The following THNSL1 variants were observed in gnomAD, a reference collection of about 807,000 sequenced individuals.
THNSL1 encodes threonine synthase-like 1.
In THNSL1, 48 loss-of-function variants were observed where a neutral mutation model predicts 50.4. The ratio of observed to expected loss-of-function variants is 0.95; its 90% CI spans 0.76 to 1.21. The LOEUF (loss-of-function observed/expected upper bound fraction) is 1.21. Among genes scored for constraint, THNSL1 ranks in the 50% most tolerant of loss-of-function variants. The pLI is 0.00. For missense variants in THNSL1, 896 were observed against 871.7 expected, an observed-to-expected ratio of 1.03 and a Z score of -0.35; for synonymous variants, 309 against 306.1, an observed-to-expected ratio of 1.01 and a Z score of -0.10.
the THNSL1 span, among the ~76,000 whole-genome samples, chr10:24,958,677 C>T: frequency 6.6e-6 from 1 of 152,190 alleles, no homozygotes; most frequent in Non-Finnish European, 1.5e-5. Flanking sequence ...CAAGGCTACA[C>T]TCAATTGTGT....
At chr10:25,018,828 A>G (rs578044254) in intron 1 of THNSL1, among the ~76,000 whole-genome samples, 1 of 152,344 alleles carries the variant, frequency 6.6e-6, no homozygotes, top group Non-Finnish European at 1.5e-5. Flanking sequence ...TTTCAATTAA[A>G]TATTCGAGAT....
the THNSL1 span, among the ~76,000 whole-genome samples, chr10:24,998,079 C>A: frequency 6.6e-6 from 1 of 152,050 alleles, no homozygotes; most frequent in Admixed American, 6.6e-5. Context: ...TGCCATCTTG[C>A]CTGATAGTGC....
the THNSL1 span, among the ~76,000 whole-genome samples, chr10:24,986,180 T>G: frequency 1.3e-5 from 2 of 152,218 alleles, no homozygotes; most frequent in Non-Finnish European, 1.5e-5. Flanking sequence ...AAGTGTCTTA[T>G]ATAATTATGC....
chr10:24,995,147 C>G, the THNSL1 span, among the ~76,000 whole-genome samples: 1 of 152,158 alleles, frequency 6.6e-6, no homozygotes, highest in African/African-American at 2.4e-5. Flanking sequence ...AAAACCAAAA[C>G]CAAATAAATA....
the THNSL1 span, chr10:24,995,682 C>T: frequency 3.7e-6 from 6 of 1,613,856 alleles, no homozygotes; most frequent in African/African-American, 1.3e-5. Context: ...GTCCTGAAGG[C>T]TCAAGATCAT....
the THNSL1 span, among the ~76,000 whole-genome samples, chr10:24,970,620 G>C: frequency 6.6e-6 from 1 of 152,126 alleles, no homozygotes; most frequent in Non-Finnish European, 1.5e-5. Context: ...GGCTGCGGCA[G>C]GAGGATCACT....
At position 25,026,124 on chromosome 10, in the gene THNSL1, C is replaced by G. The variant is rs1850847356; in HGVS notation, c.*669C>G. On this transcript the variant is annotated 3_prime_UTR_variant, in exon 3 of 3. Coordinates refer to ENST00000376356, the MANE Select transcript of THNSL1 (RefSeq NM_024838.5). The stretch of plus-strand genomic sequence containing the variant: ...GAACCTCTGACCTCAGGTGATCCAT[C>G]CACCTCGGCCTCCCAAAGTGCTAGG... 6.3e-6 allele frequency: 1 copy of G among 159,172 alleles called. No individual in the cohort carries two copies. Among genetic ancestry groups the G allele is most frequent in the Non-Finnish European group, 1.5e-5 (1 of 68,172 alleles). The allele number at this position is 159,172 out of a possible 1,614,324, so 9.9% of individuals were successfully genotyped here.
At chr10:25,015,871 G>A, upstream of THNSL1, 1 of 1,605,178 alleles carries the variant, frequency 6.2e-7, no homozygotes, top group Non-Finnish European at 8.5e-7. Flanking sequence ...TAGGAGGCTG[G>A]GGAGGCTCCT....
chr10:24,998,924 G>A, the THNSL1 span, among the ~76,000 whole-genome samples: 2 of 152,172 alleles, frequency 1.3e-5, no homozygotes, highest in African/African-American at 4.8e-5. Context: ...ACTCATTGCA[G>A]TCCAGTTAGT....
chr10:25,007,869 G>A, the THNSL1 span, among the ~76,000 whole-genome samples: 7 of 151,798 alleles, frequency 4.6e-5, no homozygotes, highest in Non-Finnish European at 1.0e-4. Flanking sequence ...ATGCCTGAAG[G>A]GAAAGGTGCC....
At chr10:24,984,310 G>A in the THNSL1 span, 1 of 1,568,102 alleles carries the variant, frequency 6.4e-7, no homozygotes, top group Non-Finnish European at 8.7e-7. Flanking sequence ...TAGCAAGAAG[G>A]CACGTGTTAC....
At chr10:24,995,797 A>G in the THNSL1 span, 5 of 1,614,060 alleles carry the variant, frequency 3.1e-6, no homozygotes, top group Non-Finnish European at 4.2e-6. Flanking sequence ...TCCACTCTGT[A>G]TTCCCATGAC....
At chr10:24,957,464 ATGTTTGTT>A in the THNSL1 span, among the ~76,000 whole-genome samples, 63,984 of 150,538 alleles carry the variant, frequency 0.43, 13,822 homozygotes, top group African/African-American at 0.53. Context: ...TTTTGAGTTG[ATGTTTGTT>A]TGTTTGTTTG....
At chr10:24,999,389 G>T in the THNSL1 span, 1 of 1,589,212 alleles carries the variant, frequency 6.3e-7, no homozygotes, top group Non-Finnish European at 8.5e-7. Context: ...AATAAAGCAT[G>T]ATAAAACCTA....
chr10:24,955,323 G>T, the THNSL1 span, among the ~76,000 whole-genome samples: 2 of 152,146 alleles, frequency 1.3e-5, no homozygotes, highest in Non-Finnish European at 2.9e-5. Context: ...ATTTGGGTGG[G>T]GACACAGAGC....
the THNSL1 span, among the ~76,000 whole-genome samples, chr10:24,977,917 T>A: frequency 2.0e-4 from 31 of 152,292 alleles, no homozygotes; most frequent in Admixed American, 2.0e-3. Flanking sequence ...ATCAGCAATA[T>A]CATTTAGATA....
the THNSL1 span, among the ~76,000 whole-genome samples, chr10:24,957,765 G>T: frequency 1.3e-5 from 2 of 152,234 alleles, no homozygotes; most frequent in Non-Finnish European, 2.9e-5. Context: ...ACAGGCATGA[G>T]CCACTGCATC....
the THNSL1 span, chr10:24,985,023 T>C: frequency 1.2e-6 from 1 of 823,240 alleles, no homozygotes. Flanking sequence ...AAAAATAACT[T>C]CTAAAATGAA....
At chr10:25,020,274 CTATATA>C (rs370068893) in intron 1 of THNSL1, among the ~76,000 whole-genome samples, 2 of 97,454 alleles carry the variant, frequency 2.1e-5, no homozygotes, top group Admixed American at 1.3e-4. Context: ...ATATCTATAT[CTATATA>C]TATCTACCCC....
Sources: allele counts gnomAD v4.1 joint callset (sites outside exome capture counted in the v4.1 genomes callset), GRCh38; gene constraint gnomAD v4.1.1; transcripts MANE v1.5; gene names NCBI Gene and HGNC (gene_info 2026-07-23, HGNC 2026-07-21).